The following PRR18 variants were observed in gnomAD, a reference collection of about 807,000 sequenced individuals.
PRR18 encodes proline rich 18, also known as proline-rich protein 18.
For synonymous variants in PRR18, 228 were observed against 220.2 expected (o/e 1.04, Z -0.32); for missense variants, 517 against 437.4 (o/e 1.18, Z -1.62).
In PRR18 at chr6:166,307,601, G is replaced by T; in HGVS notation, c.542C>A (p.Ala181Asp). The change falls in exon 1 of 1, where the codon GCT becomes GAT. Residue 181 changes from alanine to aspartate, a missense_variant. Physicochemically the swap from Ala to Asp is moderately radical, Grantham distance 126. Transcript: ENST00000322583. The stretch of plus-strand genomic sequence containing the variant: ...GCCCCTCCGCGGGCCCGCGGCCCTA[G>T]CCGGGAGACACGGGGCGAGTAGGCG... ...PRRLLAPCLP[A>D]RAAGPRRGGP... 2 of 1,283,532 alleles carry T rather than the reference G, an allele frequency of 1.6e-6. No homozygotes were observed. The highest frequency in any genetic ancestry group is 3.7e-5 in the Admixed American group (1 of 27,008). 79.5% of individuals were successfully genotyped at this position (1,283,532 alleles called of 1,614,324 possible).
chr6:166,307,309 G>T lies in PRR18; in HGVS notation c.834C>A (p.Ala278=), dbSNP rs528855362. 155 of 1,543,696 alleles carry T rather than the reference G, an allele frequency of 1.0e-4. 2 individuals are homozygous for T. In the South Asian group the frequency reaches 1.7e-3, roughly 17 times the overall value. Residue 278 remains alanine (A), a synonymous_variant, in exon 1 of 1, where the codon GCC becomes GCA. Coordinates refer to ENST00000322583, the MANE Select transcript of PRR18 (RefSeq NM_175922.4). ...CCAGGGCCCCCGCCCGGCCCCGCGCGGCAGCCGCGGACTCCACGCCGCGCA... is the reference window on the plus strand; with the variant it reads ...CCAGGGCCCCCGCCCGGCCCCGCGCTGCAGCCGCGGACTCCACGCCGCGCA... ...EWLRGVESAA[A]ARGRAGALDS...
In PRR18 at chr6:166,308,253, G is replaced by T; in HGVS notation, c.-111C>A. On this transcript the variant is annotated 5_prime_UTR_variant, in exon 1 of 1. Transcript: ENST00000322583. ...GGGCGGCCCCTCCACACCCACCTGCGTCCAGCCGCGGCCTCTCCGGCTTCC... is the reference window on the plus strand; with the variant it reads ...GGGCGGCCCCTCCACACCCACCTGCTTCCAGCCGCGGCCTCTCCGGCTTCC... The T allele has an allele frequency of 9.3e-7, 1 of 1,074,870 alleles. No individual in the cohort carries two copies. The highest frequency in any genetic ancestry group is 1.2e-6 in the Non-Finnish European group (1 of 845,252). 66.6% of individuals were successfully genotyped at this position (1,074,870 alleles called of 1,614,324 possible).
At position 166,307,258 on chromosome 6, in the gene PRR18, C is replaced by T; in HGVS notation, c.885G>A (p.Leu295=). 1 of 1,486,844 alleles carries T rather than the reference C, an allele frequency of 6.7e-7. No individual in the cohort carries two copies. The highest frequency in any genetic ancestry group is 8.9e-7 in the Non-Finnish European group (1 of 1,127,458). The allele number at this position is 1,486,844 out of a possible 1,614,324, so 92.1% of individuals were successfully genotyped here. ...ALDSRRHLST[L] ...TGTCCCCGCAGGCCCGCTGGGCTCA[C>T]AGCGTGCTCAGGTGCCGCCGTGAGT... Residue 295 remains leucine, a synonymous_variant, in exon 1 of 1, where the codon CTG becomes CTA. Coordinates refer to ENST00000322583, the MANE Select transcript of PRR18 (RefSeq NM_175922.4).
rs1160246667 is a variant in PRR18 at position 166,307,657 on chromosome 6, C to A, written c.486G>T (p.Arg162Ser). ...GTTCGGCCGAGGGTGAGGGGAAGGG[C>A]CTGCGGGGCCGCGCCAGCAGCTGCT... is the stretch of plus-strand genomic sequence containing the variant. ...LEKQLLARPRRPFPSPSAEPR... is the reference protein window; with the variant it reads ...LEKQLLARPRSPFPSPSAEPR... Residue 162 changes from arginine to serine, a missense_variant, in exon 1 of 1, where the codon AGG becomes AGT. Arg to Ser is a moderately radical substitution (Grantham distance 110, BLOSUM62 -1). Transcript: ENST00000322583. 6.8e-7 allele frequency: 1 copy of A among 1,472,798 alleles called. No homozygotes were observed. Among genetic ancestry groups the A allele is most frequent in the Non-Finnish European group, 9.0e-7 (1 of 1,106,008 alleles). The allele number at this position is 1,472,798 out of a possible 1,614,324, so 91.2% of individuals were successfully genotyped here. A position where few individuals can be genotyped will look rare whatever the true frequency, so the allele number is the denominator to read the frequency against.
Position 166,306,859 on chromosome 6 carries a change from G to A in PRR18, c.*396C>T. ...GCAGATGTAGCCCTGGGGAAGGCCC[G>A]CCTCCAGGCAGAGGGTCTCTGGGAC... On this transcript the variant is annotated 3_prime_UTR_variant, in exon 1 of 1. Transcript: ENST00000322583. The A allele has an allele frequency of 5.6e-6, 1 of 178,030 alleles. No homozygotes were observed. Among genetic ancestry groups the A allele is most frequent in the Non-Finnish European group, 1.2e-5 (1 of 85,566 alleles). 11.0% of individuals were successfully genotyped at this position (178,030 alleles called of 1,614,324 possible).
Position 166,308,296 on chromosome 6 carries a change from A to C in PRR18, c.-154T>G. 2.8e-6 allele frequency: 2 copies of C among 710,138 alleles called. No homozygotes were observed. Among genetic ancestry groups the C allele is most frequent in the Non-Finnish European group, 3.9e-6 (2 of 513,372 alleles). The allele number at this position is 710,138 out of a possible 1,614,324, so 44.0% of individuals were successfully genotyped here. Reference sequence around the variant, plus strand: ...CGGCTTCCTCACATCCCAGCGACCAAACCCGGGGACTCAAAGAGAGGCGCT... The same window carrying C: ...CGGCTTCCTCACATCCCAGCGACCACACCCGGGGACTCAAAGAGAGGCGCT... On this transcript the variant is annotated 5_prime_UTR_variant, in exon 1 of 1. Transcript: ENST00000322583.
At position 166,308,101 on chromosome 6, in the gene PRR18, CG is replaced by C; in HGVS notation, c.41del (p.Pro14ArgfsTer124). ...PPMPPPPAPA[P>X]GAQAARQLPR... ...GTAACTGGCGCGCGGCTTGGGCCCCCGGGGCGGGGGCGGGCGGCGGCGGCAT... is the reference window on the plus strand; with the variant it reads ...GTAACTGGCGCGCGGCTTGGGCCCCCGGGCGGGGGCGGGCGGCGGCGGCAT... On this transcript the variant is annotated frameshift_variant, in exon 1 of 1. Coordinates refer to ENST00000322583, the MANE Select transcript of PRR18 (RefSeq NM_175922.4). LOFTEE classifies it low-confidence loss of function (END_TRUNC). 8.1e-7 allele frequency: 1 copy of C among 1,233,004 alleles called. No individual in the cohort carries two copies. The highest frequency in any genetic ancestry group is 3.2e-5 in the East Asian group (1 of 31,500). 76.4% of individuals were successfully genotyped at this position (1,233,004 alleles called of 1,614,324 possible).
In PRR18 at chr6:166,307,586, G is replaced by A; in HGVS notation, c.557C>T (p.Pro186Leu). The A allele has an allele frequency of 8.2e-7, 1 of 1,225,664 alleles. No individual in the cohort carries two copies. The highest frequency in any genetic ancestry group is 3.7e-5 in the South Asian group (1 of 27,014). The allele number at this position is 1,225,664 out of a possible 1,614,324, so 75.9% of individuals were successfully genotyped here. A position where few individuals can be genotyped will look rare whatever the true frequency, so the allele number is the denominator to read the frequency against. Residue 186 changes from proline to leucine, a missense_variant, in exon 1 of 1, where the codon CCG becomes CTG. Transcript: ENST00000322583. ...GTCGCTGGCGGGGCCGCCCCTCCGC[G>A]GGCCCGCGGCCCTAGCCGGGAGACA... ...APCLPARAAG[P>L]RRGGPASDPD...
rs1332936020 is a variant in PRR18, at chr6:166,305,873, A to C, written c.*1382T>G. The stretch of plus-strand genomic sequence containing the variant: ...CCACTCCTGCCCTCGGCTCGGAGTC[A>C]GTGCACTCTTGCTCCACCCTCTCAG... On this transcript the variant is annotated 3_prime_UTR_variant, in exon 1 of 1. Coordinates refer to ENST00000322583, the MANE Select transcript of PRR18 (RefSeq NM_175922.4). 8 of 152,346 alleles carry C rather than the reference A, an allele frequency of 5.3e-5. No homozygotes were observed. The East Asian group carries it at 1.5e-3, about 29-fold the overall frequency. 9.4% of individuals were successfully genotyped at this position (152,346 alleles called of 1,614,324 possible). A position where few individuals can be genotyped will look rare whatever the true frequency, so the allele number is the denominator to read the frequency against.
Position 166,308,352 on chromosome 6 carries a change from C to A in PRR18, c.-210G>T. On this transcript the variant is annotated 5_prime_UTR_variant, in exon 1 of 1. Coordinates refer to ENST00000322583, the MANE Select transcript of PRR18 (RefSeq NM_175922.4). Reference sequence around the variant, plus strand: ...CCTCCCCTCCTCCTGGGGGTGCTCCCGGGACTGGACCCTGCAGGAACCGCC... The same window carrying A: ...CCTCCCCTCCTCCTGGGGGTGCTCCAGGGACTGGACCCTGCAGGAACCGCC... 1 of 423,144 alleles carries A rather than the reference C, an allele frequency of 2.4e-6. No homozygotes were observed. The highest frequency in any genetic ancestry group is 3.8e-5 in the East Asian group (1 of 26,316). The allele number at this position is 423,144 out of a possible 1,614,324, so 26.2% of individuals were successfully genotyped here.
rs957634502 is a variant in PRR18, at chr6:166,307,966, C to T, written c.177G>A (p.Arg59=). Residue 59 remains arginine (R), a synonymous_variant, in exon 1 of 1, where the codon CGG becomes CGA. Coordinates refer to ENST00000322583, the MANE Select transcript of PRR18 (RefSeq NM_175922.4). The part of the protein sequence containing the change: ...PSATLKRPPA[R]RGPGLDRTQP... ...GCGTCCTGTCCAGGCCGGGGCCGCG[C>T]CGGGCCGGCGGCCTCTTGAGCGTGG... is the stretch of plus-strand genomic sequence containing the variant. 7.3e-6 allele frequency: 9 copies of T among 1,233,414 alleles called. No homozygotes were observed. Among genetic ancestry groups the T allele is most frequent in the Non-Finnish European group, 7.1e-6 (7 of 982,542 alleles). 76.4% of individuals were successfully genotyped at this position (1,233,414 alleles called of 1,614,324 possible).
chr6:166,307,674 G>T lies in PRR18; in HGVS notation c.469C>A (p.Leu157Met), dbSNP rs1304224330. 5.3e-6 allele frequency: 8 copies of T among 1,496,074 alleles called. No homozygotes were observed. Among genetic ancestry groups the T allele is most frequent in the Non-Finnish European group, 7.2e-6 (8 of 1,118,462 alleles). 92.7% of individuals were successfully genotyped at this position (1,496,074 alleles called of 1,614,324 possible). Residue 157 changes from leucine to methionine, a missense_variant, in exon 1 of 1, where the codon CTG (leucine) becomes ATG (methionine). Coordinates refer to ENST00000322583, the MANE Select transcript of PRR18 (RefSeq NM_175922.4). The stretch of plus-strand genomic sequence containing the variant: ...GGGAAGGGCCTGCGGGGCCGCGCCA[G>T]CAGCTGCTTCTCCAGATGACGCTTC... ...IQKRHLEKQL[L>M]ARPRRPFPSP...
In PRR18 at chr6:166,307,933, C is replaced by G. The variant is rs1167783184; in HGVS notation, c.210G>C (p.Pro70=). The part of the protein sequence containing the change: ...RGPGLDRTQP[P]APPGVSPQAL... Reference sequence around the variant, plus strand: ...CCTGGGGGGAGACGCCCGGAGGGGCCGGCGGCTGCGTCCTGTCCAGGCCGG... The same window carrying G: ...CCTGGGGGGAGACGCCCGGAGGGGCGGGCGGCTGCGTCCTGTCCAGGCCGG... Residue 70 remains proline (P), a synonymous_variant, in exon 1 of 1, where the codon CCG becomes CCC. Transcript: ENST00000322583. The G allele has an allele frequency of 8.2e-6, 10 of 1,226,666 alleles. No homozygotes were observed. The highest frequency in any genetic ancestry group is 1.6e-5 in the African/African-American group (1 of 63,618). The allele number at this position is 1,226,666 out of a possible 1,614,324, so 76.0% of individuals were successfully genotyped here. A position where few individuals can be genotyped will look rare whatever the true frequency, so the allele number is the denominator to read the frequency against.
chr6:166,307,546 G>C lies in PRR18; in HGVS notation c.597C>G (p.Pro199=). 2.5e-6 allele frequency: 3 copies of C among 1,211,366 alleles called. No individual in the cohort carries two copies. Among genetic ancestry groups the C allele is most frequent in the Non-Finnish European group, 3.1e-6 (3 of 975,430 alleles). The allele number at this position is 1,211,366 out of a possible 1,614,324, so 75.0% of individuals were successfully genotyped here. Residue 199 remains proline, a synonymous_variant, in exon 1 of 1, where the codon CCC becomes CCG. Transcript: ENST00000322583. ...GGPASDPDAP[P]TAGQGRRAPP... is the part of the protein sequence containing the mutation. ...GCGCGCGGCGGCCCTGGCCGGCGGT[G>C]GGGGGTGCGTCGGGGTCGCTGGCGG...
At position 166,307,790 on chromosome 6, in the gene PRR18, G is replaced by T; in HGVS notation, c.353C>A (p.Ala118Asp). ...CCCCGCCCCCGAGGAGGTGCCCGCG[G>T]CGGTGGTCCCCGTCCCCGCCGAGGT... ...AATSAGTGTT[A>D]AGTSSGAGPC... The change falls in exon 1 of 1, where the codon GCC (alanine) becomes GAC (aspartate). Residue 118 changes from alanine to aspartate, a missense_variant. Physicochemically the swap from Ala to Asp is moderately radical, Grantham distance 126 (BLOSUM62 -2). Coordinates refer to ENST00000322583, the MANE Select transcript of PRR18 (RefSeq NM_175922.4). 9 of 1,458,568 alleles carry T rather than the reference G, an allele frequency of 6.2e-6. No homozygotes were observed. Among genetic ancestry groups the T allele is most frequent in the South Asian group, 2.8e-5 (2 of 71,952 alleles). 90.4% of individuals were successfully genotyped at this position (1,458,568 alleles called of 1,614,324 possible). A position where few individuals can be genotyped will look rare whatever the true frequency, so the allele number is the denominator to read the frequency against.
rs919779149 is a variant in PRR18 at position 166,305,723 on chromosome 6, C to T, written c.*1532G>A. On this transcript the variant is annotated 3_prime_UTR_variant, in exon 1 of 1. Coordinates refer to ENST00000322583, the MANE Select transcript of PRR18 (RefSeq NM_175922.4). ...TTGGAAGACAGAGGCTGCAGAAAGT[C>T]GGTCCCTCTAGGATGCCACCAGGGA... 6.6e-6 allele frequency: 1 copy of T among 152,194 alleles called. No homozygotes were observed. The highest frequency in any genetic ancestry group is 2.4e-5 in the African/African-American group (1 of 41,438). 9.4% of individuals were successfully genotyped at this position (152,194 alleles called of 1,614,324 possible).
Position 166,307,770 on chromosome 6 carries a change from C to T in PRR18, c.373G>A (p.Ala125Thr). Residue 125 changes from alanine (A) to threonine (T), a missense_variant, in exon 1 of 1, where the codon GCG becomes ACG. Physicochemically the swap from Ala to Thr is moderately conservative, Grantham distance 58. Transcript: ENST00000322583. Reference protein sequence around the residue: ...GTTAAGTSSGAGPCPDSAARF... With the variant: ...GTTAAGTSSGTGPCPDSAARF... ...GCAGCGGAGTCTGGACAAGGCCCCG[C>T]CCCCGAGGAGGTGCCCGCGGCGGTG... The T allele has an allele frequency of 6.7e-7, 1 of 1,492,056 alleles. No individual in the cohort carries two copies. Among genetic ancestry groups the T allele is most frequent in the East Asian group, 2.7e-5 (1 of 36,416 alleles). 92.4% of individuals were successfully genotyped at this position (1,492,056 alleles called of 1,614,324 possible).
rs1778108702 is a variant in PRR18, at chr6:166,307,202, T to C, written c.*53A>G. On this transcript the variant is annotated 3_prime_UTR_variant, in exon 1 of 1. Coordinates refer to ENST00000322583, the MANE Select transcript of PRR18 (RefSeq NM_175922.4). ...GAGGGCCCCTAGGCGGAGTGGCGCG[T>C]GCAGGAAGTGAGGTGGGATCAGGCC... is the stretch of plus-strand genomic sequence containing the variant. 7.4e-7 allele frequency: 1 copy of C among 1,352,986 alleles called. No homozygotes were observed. The highest frequency in any genetic ancestry group is 1.5e-5 in the African/African-American group (1 of 65,956). The allele number at this position is 1,352,986 out of a possible 1,614,324, so 83.8% of individuals were successfully genotyped here. A position where few individuals can be genotyped will look rare whatever the true frequency, so the allele number is the denominator to read the frequency against.
Position 166,305,531 on chromosome 6 carries a change from C to A in PRR18, c.*1724G>T, listed in dbSNP as rs1049069658. On this transcript the variant is annotated 3_prime_UTR_variant, in exon 1 of 1. Coordinates refer to ENST00000322583, the MANE Select transcript of PRR18 (RefSeq NM_175922.4). ...AACTCTATTTAATAAATACAAATTACTAAAAATGCGCTTAGTGTTGTATTG... is the reference window on the plus strand; with the variant it reads ...AACTCTATTTAATAAATACAAATTAATAAAAATGCGCTTAGTGTTGTATTG... The A allele has an allele frequency of 6.6e-6, 1 of 152,120 alleles. No homozygotes were observed. Among genetic ancestry groups the A allele is most frequent in the Non-Finnish European group, 1.5e-5 (1 of 68,016 alleles). The allele number at this position is 152,120 out of a possible 1,614,324, so 9.4% of individuals were successfully genotyped here. A position where few individuals can be genotyped will look rare whatever the true frequency, so the allele number is the denominator to read the frequency against.
Sources: allele counts gnomAD v4.1 joint callset, GRCh38; gene constraint gnomAD v4.1.1; transcripts MANE v1.5; gene names NCBI Gene and HGNC (gene_info 2026-07-23, HGNC 2026-07-21).